Variants in SRFBP1 observed in about 807,000 individuals in gnomAD.
SRFBP1 encodes the protein serum response factor-binding protein 1.
A neutral mutation model predicts 45.5 loss-of-function variants in SRFBP1; 47 were observed. The observed-to-expected ratio is 1.03, with a 90% CI of 0.82 to 1.32. SRFBP1 has a LOEUF of 1.32. SRFBP1 is among the 40% of genes most tolerant of loss of function. The pLI, the probability that SRFBP1 is intolerant of heterozygous loss-of-function variation, is 0.00. For missense variants in SRFBP1, 621 were observed against 484.6 expected (o/e 1.28, Z -2.64); for synonymous variants, 203 against 166.3 (o/e 1.22, Z -1.70).
intron 1 of SRFBP1, among the ~76,000 whole-genome samples, chr5:121,965,989 T>C (rs992743896): frequency 6.6e-6 from 1 of 152,162 alleles, no homozygotes; most frequent in Non-Finnish European, 1.5e-5. Flanking sequence ...TCTCTGTTTG[T>C]CTATTATTGG....
chr5:122,024,527 C>T (rs1301333065), intron 7 of SRFBP1, among the ~76,000 whole-genome samples: 4 of 152,064 alleles, frequency 2.6e-5, no homozygotes, highest in Non-Finnish European at 4.4e-5. Context: ...CATTCATCAG[C>T]GATAGAAAAG....
rs749395697 is a variant in SRFBP1 at position 121,962,048 on chromosome 5, A to G, written c.16A>G (p.Thr6Ala). MAQPG[T>A]LNLNNEVVKM... is the part of the protein sequence containing the mutation. ...TTCATCTACCATGGCTCAGCCGGGA[A>G]CTCTGAACCTCAATAACGAGGTGAG... Residue 6 changes from threonine (T) to alanine (A), a missense_variant, in exon 1 of 8, where the codon ACT becomes GCT. Coordinates refer to ENST00000339397, the MANE Select transcript of SRFBP1 (RefSeq NM_152546.3). 4 of 1,614,110 alleles carry G rather than the reference A, an allele frequency of 2.5e-6. No individual in the cohort carries two copies. Among genetic ancestry groups the G allele is most frequent in the East Asian group, 2.2e-5 (1 of 44,860 alleles).
intron 2 of SRFBP1, among the ~76,000 whole-genome samples, chr5:122,050,882 G>C (rs1018742646): frequency 1.3e-5 from 2 of 152,004 alleles, no homozygotes; most frequent in Non-Finnish European, 2.9e-5. Context: ...TTTAATGTGG[G>C]CATTTAGTAC....
At chr5:122,068,148 A>G (rs1443522528) in intron 2 of SRFBP1, among the ~76,000 whole-genome samples, 1 of 141,310 alleles carries the variant, frequency 7.1e-6, no homozygotes, top group Non-Finnish European at 1.5e-5. Flanking sequence ...CCACTCTTGA[A>G]GTTTGTTACA....
chr5:122,020,098 A>G lies in SRFBP1; in HGVS notation c.363A>G (p.Gln121=). 1 of 1,561,272 alleles carries G rather than the reference A, an allele frequency of 6.4e-7. No homozygotes were observed. Among genetic ancestry groups the G allele is most frequent in the Non-Finnish European group, 8.6e-7 (1 of 1,157,808 alleles). The change falls in exon 6 of 8, where the codon CAA becomes CAG. Residue 121 remains glutamine (Q), a synonymous_variant. Coordinates refer to ENST00000339397, the MANE Select transcript of SRFBP1 (RefSeq NM_152546.3). The part of the protein sequence containing the change: ...KKIDVLKAAV[Q]AFKEARQNVA... ...CTGTTTCTCTTGCAGCTGCTGTACAAGCCTTTAAAGAAGCAAGACAAAATG... is the reference window on the plus strand; with the variant it reads ...CTGTTTCTCTTGCAGCTGCTGTACAGGCCTTTAAAGAAGCAAGACAAAATG...
chr5:122,077,843 C>T, downstream of SRFBP1: 1 of 1,549,716 alleles, frequency 6.5e-7, no homozygotes, highest in Non-Finnish European at 8.7e-7. The surrounding 1 kb of genome is among the most constrained non-coding windows in gnomAD (Gnocchi z 4.9). Flanking sequence ...GTTGTTCTCC[C>T]ATTGGATCTG....
intron 7 of SRFBP1, among the ~76,000 whole-genome samples, chr5:122,022,823 C>A (rs1318674796): frequency 6.6e-6 from 1 of 152,170 alleles, no homozygotes; most frequent in Non-Finnish European, 1.5e-5. Context: ...ATCTAAGTTT[C>A]ATGTATTTGG....
chr5:122,022,641 T>C (rs553768401), intron 7 of SRFBP1, among the ~76,000 whole-genome samples: 2 of 152,364 alleles, frequency 1.3e-5, no homozygotes, highest in African/African-American at 4.8e-5. Flanking sequence ...ATTATGTCTA[T>C]TTAACTTATC....
chr5:122,024,108 AT>A (rs1374961700), intron 7 of SRFBP1, among the ~76,000 whole-genome samples: 1 of 152,128 alleles, frequency 6.6e-6, no homozygotes, highest in Non-Finnish European at 1.5e-5. Context: ...AAATATCTAG[AT>A]TCTTTTGTTC....
intron 3 of SRFBP1, among the ~76,000 whole-genome samples, chr5:121,982,872 T>C (rs568096943): frequency 6.6e-6 from 1 of 151,884 alleles, no homozygotes; most frequent in East Asian, 1.9e-4. Context: ...ATTAGATTTT[T>C]TTGTTTTGTA....
At chr5:121,965,823 C>G (rs1039687974) in intron 1 of SRFBP1, among the ~76,000 whole-genome samples, 6 of 152,182 alleles carry the variant, frequency 3.9e-5, no homozygotes, top group African/African-American at 1.4e-4. Context: ...TATCTATGAG[C>G]ATGGAATGTT....
At chr5:122,023,522 A>G (rs1280620272) in intron 7 of SRFBP1, among the ~76,000 whole-genome samples, 1 of 152,214 alleles carries the variant, frequency 6.6e-6, no homozygotes, top group Non-Finnish European at 1.5e-5. Context: ...GCTTAAGGAA[A>G]AAATGGAAGG....
intron 2 of SRFBP1, among the ~76,000 whole-genome samples, chr5:122,056,947 G>A (rs1332238337): frequency 6.6e-6 from 1 of 152,124 alleles, no homozygotes; most frequent in Non-Finnish European, 1.5e-5. Context: ...GAGGACAATT[G>A]GGACCAGATA....
At chr5:121,978,121 A>G (rs1388887353) in intron 3 of SRFBP1, among the ~76,000 whole-genome samples, 1 of 152,196 alleles carries the variant, frequency 6.6e-6, no homozygotes, top group African/African-American at 2.4e-5. Context: ...ACTCAATAAT[A>G]AAAGTAACAA....
intron 7 of SRFBP1, among the ~76,000 whole-genome samples, chr5:122,025,760 G>C (rs537299526): frequency 1.3e-5 from 2 of 152,246 alleles, no homozygotes; most frequent in Admixed American, 1.3e-4. Context: ...ACAGTGCACT[G>C]GTTTATATAA....
chr5:121,997,024 C>G (rs1318104783), intron 4 of SRFBP1, among the ~76,000 whole-genome samples: 1 of 105,750 alleles, frequency 9.5e-6, no homozygotes, highest in African/African-American at 4.1e-5. Context: ...AGGATACAAA[C>G]AAATGGAAGA....
chr5:122,019,402 C>T, intron 5 of SRFBP1, 61 bp downstream of exon 5: 2 of 1,280,816 alleles, frequency 1.6e-6, no homozygotes, highest in South Asian at 1.4e-5. Context: ...TGGATAATGG[C>T]TATTCACTTA....
intron 2 of SRFBP1, among the ~76,000 whole-genome samples, chr5:122,040,851 G>C (rs562005454): frequency 7.9e-5 from 12 of 152,048 alleles, no homozygotes; most frequent in Non-Finnish European, 1.3e-4. Flanking sequence ...CTGTTCAAAG[G>C]TCATCTTGTT....
intron 3 of SRFBP1, among the ~76,000 whole-genome samples, 196 bp from the exon 4 acceptor site, chr5:121,994,403 G>A (rs938726404): frequency 1.3e-5 from 2 of 151,778 alleles, no homozygotes; most frequent in Non-Finnish European, 2.9e-5. Context: ...TCTTTTAATA[G>A]GCACATTACA....
Sources: gnomAD v4.1 joint callset for allele counts (sites outside exome capture counted in the v4.1 genomes callset) on GRCh38, gnomAD v4.1.1 for gene constraint, Gnocchi (gnomAD v3.1) non-coding constraint, MANE v1.5 for transcripts, NCBI Gene and HGNC (gene_info 2026-07-23, HGNC 2026-07-21) for gene names.